The following CTNNA2 variants were observed in gnomAD, a reference collection of about 807,000 sequenced individuals.
CTNNA2 encodes catenin alpha-2.
CTNNA2 carries 42 observed loss-of-function variants against 101.0 expected under a neutral mutation model. The ratio of observed to expected loss-of-function variants is 0.42; its 90% CI spans 0.32 to 0.54. CTNNA2 has a LOEUF of 0.54. Ranked by LOEUF, CTNNA2 falls within the 20% of genes least tolerant of loss-of-function variation. The probability of loss-of-function intolerance (pLI) is 0.14; values close to 1 mark genes in which losing one functional copy is unlikely to be tolerated. For synonymous variants in CTNNA2, 450 were observed against 456.4 expected (o/e 0.99, Z 0.18); for missense variants, 871 against 1,223.1 (o/e 0.71, Z 4.29).
At chr2:79,884,460 A>G (rs919660448) in intron 6 of CTNNA2, among the ~76,000 whole-genome samples, 4 of 152,190 alleles carry the variant, frequency 2.6e-5, no homozygotes, top group African/African-American at 9.7e-5. Flanking sequence ...ACTCACTCAC[A>G]AAATTGATAG....
At chr2:79,870,230 T>C (rs1350369120) in intron 5 of CTNNA2, among the ~76,000 whole-genome samples, 3 of 152,284 alleles carry the variant, frequency 2.0e-5, no homozygotes, top group Admixed American at 2.0e-4. Flanking sequence ...ACAGCTCTGA[T>C]GTCAAATAAA....
chr2:80,154,901 A>G (rs1703917875), intron 7 of CTNNA2, among the ~76,000 whole-genome samples: 1 of 152,198 alleles, frequency 6.6e-6, no homozygotes, highest in African/African-American at 2.4e-5. Flanking sequence ...TATTTACTGT[A>G]TTATGCACTA....
At chr2:80,274,430 G>T (rs542040287) in intron 7 of CTNNA2, among the ~76,000 whole-genome samples, 3 of 152,262 alleles carry the variant, frequency 2.0e-5, no homozygotes, top group South Asian at 4.1e-4. Context: ...AGCCCAGTTC[G>T]CTCTGGGCTG....
chr2:79,535,346 A>G (rs1672990494), intron 1 of CTNNA2, among the ~76,000 whole-genome samples: 1 of 152,012 alleles, frequency 6.6e-6, no homozygotes, highest in South Asian at 2.1e-4. Context: ...CTGGGATTAT[A>G]GGCCCCTGCC....
intron 3 of CTNNA2, among the ~76,000 whole-genome samples, chr2:79,749,670 T>G (rs975618647): frequency 2.0e-5 from 3 of 152,222 alleles, no homozygotes; most frequent in African/African-American, 7.2e-5. Context: ...GCAGTTTGGC[T>G]AAGATATCCA....
chr2:79,213,335 A>G (rs1045242035), intron 2 of CTNNA2, among the ~76,000 whole-genome samples: 1 of 152,222 alleles, frequency 6.6e-6, no homozygotes, highest in Non-Finnish European at 1.5e-5. Flanking sequence ...AAGAGGCATT[A>G]ATGATAGAGG....
At chr2:80,515,543 T>C (rs983024377) in intron 9 of CTNNA2, among the ~76,000 whole-genome samples, 1 of 152,238 alleles carries the variant, frequency 6.6e-6, no homozygotes, top group African/African-American at 2.4e-5. Context: ...TTGCTAGAAA[T>C]TGATTATTTC....
chr2:79,626,591 ATGTATG>A (rs1558782033), intron 1 of CTNNA2, among the ~76,000 whole-genome samples: 1 of 143,688 alleles, frequency 7.0e-6, no homozygotes, highest in Non-Finnish European at 1.5e-5. Context: ...GTGTGTGTGC[ATGTATG>A]TGTATGTGCG....
intron 4 of CTNNA2, among the ~76,000 whole-genome samples, chr2:79,496,691 C>A (rs995965840): frequency 6.6e-6 from 1 of 151,538 alleles, no homozygotes; most frequent in Non-Finnish European, 1.5e-5. Context: ...TCTAGCCCTA[C>A]CGCCTGTGTA....
At chr2:80,501,332 G>A (rs559956972) in intron 9 of CTNNA2, among the ~76,000 whole-genome samples, 1 of 152,188 alleles carries the variant, frequency 6.6e-6, no homozygotes, top group African/African-American at 2.4e-5. Context: ...CTGAAAGATA[G>A]AGCCATATTC....
At position 79,860,657 on chromosome 2, in the gene CTNNA2, A is replaced by G. The variant is rs577673712; in HGVS notation, c.465+2478A>G. On this transcript the variant is annotated intron_variant, in intron 4 of 18. Coordinates refer to ENST00000402739, the MANE Select transcript of CTNNA2 (RefSeq NM_001282597.3). ...GTAGTAAAATTAAAAATGATTGTAG[A>G]CTAAATAACACATTTGTTCTACTTA... 2.7e-5 allele frequency among the ~76,000 whole-genome samples: 4 copies of G among 150,608 alleles called. No homozygotes were observed. In the East Asian group the frequency reaches 7.8e-4, roughly 29 times the overall value.
intron 3 of CTNNA2, among the ~76,000 whole-genome samples, chr2:79,842,307 T>C (rs1300831001): frequency 6.6e-6 from 1 of 152,176 alleles, no homozygotes; most frequent in Non-Finnish European, 1.5e-5. Context: ...TTTTAGCCTC[T>C]GGCAAAACTA....
intron 2 of CTNNA2, among the ~76,000 whole-genome samples, chr2:79,296,909 AT>A (rs1675992275): frequency 6.6e-6 from 1 of 152,126 alleles, no homozygotes; most frequent in Non-Finnish European, 1.5e-5. Context: ...GGGTCTGCTC[AT>A]GCTTTCTCTT....
At chr2:79,694,111 C>T (rs1390042291) in intron 2 of CTNNA2, among the ~76,000 whole-genome samples, 2 of 152,028 alleles carry the variant, frequency 1.3e-5, no homozygotes, top group East Asian at 3.9e-4. Context: ...CTTAGACAAC[C>T]TCACAGCAAC....
chr2:80,305,365 G>T, intron 7 of CTNNA2: 1 of 985,210 alleles, frequency 1.0e-6, no homozygotes, highest in South Asian at 4.7e-5. Context: ...ATCCCTCCGG[G>T]GCTTCATCAG....
intron 7 of CTNNA2, among the ~76,000 whole-genome samples, chr2:80,027,020 G>T (rs1694971958): frequency 6.6e-6 from 1 of 152,182 alleles, no homozygotes; most frequent in African/African-American, 2.4e-5. Flanking sequence ...GCTGGGAGTA[G>T]TATGTATAGA....
chr2:79,207,087 A>T (rs1342269496), intron 2 of CTNNA2, among the ~76,000 whole-genome samples: 1 of 152,226 alleles, frequency 6.6e-6, no homozygotes, highest in Non-Finnish European at 1.5e-5. Context: ...AACAACTAAA[A>T]GTGCCAGATA....
intron 9 of CTNNA2, among the ~76,000 whole-genome samples, chr2:80,454,025 G>GA (rs199995593): frequency 9.5e-5 from 14 of 147,302 alleles, no homozygotes; most frequent in East Asian, 5.9e-4. Context: ...TTGAGAAAAA[G>GA]AAAAAAAAAG....
Position 80,249,403 on chromosome 2 carries a change from C to T in CTNNA2, c.1057-143808C>T, listed in dbSNP as rs575183933. Among the ~76,000 whole-genome samples, 70 of 152,202 alleles carry T rather than the reference C, an allele frequency of 4.6e-4. 1 individual carries two copies. The highest frequency in any genetic ancestry group is 2.6e-4 in the Non-Finnish European group (18 of 68,018). On this transcript the variant is annotated intron_variant, in intron 7 of 18. Transcript: ENST00000402739. The stretch of plus-strand genomic sequence containing the variant: ...AAGCTTTGTCCCCAATATTGCTTTG[C>T]GAAGGGAGCTCTTAGGGAATGAATC...
Sources: gnomAD v4.1 joint callset for allele counts (sites outside exome capture counted in the v4.1 genomes callset) on GRCh38, gnomAD v4.1.1 for gene constraint, MANE v1.5 for transcripts, NCBI Gene and HGNC (gene_info 2026-07-23, HGNC 2026-07-21) for gene names.